The following SLC39A9 variants were observed in gnomAD, a reference collection of about 807,000 sequenced individuals.
SLC39A9 encodes zinc transporter ZIP9.
SLC39A9 carries 14 observed loss-of-function variants against 28.4 expected under a neutral mutation model. The ratio of observed to expected loss-of-function variants is 0.49; its 90% confidence interval spans 0.33 to 0.77. The LOEUF (loss-of-function observed/expected upper bound fraction) is 0.77. Ranked by LOEUF, SLC39A9 falls within the 30% of genes least tolerant of loss-of-function variation. The pLI is 0.02. For missense variants in SLC39A9, 283 were observed against 381.1 expected (o/e 0.74, Z 2.14); for synonymous variants, 119 against 149.6 (o/e 0.80, Z 1.49).
intron 1 of SLC39A9, among the ~76,000 whole-genome samples, chr14:69,418,460 G>A (rs556513055): frequency 1.2e-4 from 18 of 151,928 alleles, no homozygotes; most frequent in East Asian, 1.9e-4. Context: ...TCTCTGCCAG[G>A]CTTTGGTATC....
Position 69,398,712 on chromosome 14 carries a change from C to A in SLC39A9, c.-658C>A. Reference sequence around the variant, plus strand: ...GGAATGAAGAGATGCCACTTGGCGGCCATGGCAGCTGTAGTATCGGCGACT... The same window carrying A: ...GGAATGAAGAGATGCCACTTGGCGGACATGGCAGCTGTAGTATCGGCGACT... On this transcript the variant is annotated 5_prime_UTR_variant, in exon 1 of 7. Transcript: ENST00000336643. 1 of 227,088 alleles carries A rather than the reference C, an allele frequency of 4.4e-6. No homozygotes were observed. Among genetic ancestry groups the A allele is most frequent in the South Asian group, 4.8e-5 (1 of 20,674 alleles). The allele number at this position is 227,088 out of a possible 1,614,324, so 14.1% of individuals were successfully genotyped here.
intron 6 of SLC39A9, among the ~76,000 whole-genome samples, chr14:69,456,156 G>C (rs1020521655): frequency 2.0e-5 from 3 of 152,158 alleles, no homozygotes; most frequent in Non-Finnish European, 2.9e-5. Flanking sequence ...AGCCATGCTA[G>C]CTTCATTTGA....
At chr14:69,452,837 G>C (rs541916396) in intron 3 of SLC39A9, among the ~76,000 whole-genome samples, 1 of 152,216 alleles carries the variant, frequency 6.6e-6, no homozygotes, top group East Asian at 1.9e-4. Context: ...CAATTAGATT[G>C]GTCTGGAAAG....
At chr14:69,419,432 A>G (rs1052276815) in intron 1 of SLC39A9, among the ~76,000 whole-genome samples, 2 of 152,140 alleles carry the variant, frequency 1.3e-5, no homozygotes, top group African/African-American at 2.4e-5. Flanking sequence ...TATGTGGTCA[A>G]TTTTGGGATA....
Position 69,459,914 on chromosome 14 carries a change from C to T in SLC39A9, c.*1321C>T. The T allele has an allele frequency of 2.0e-6, 2 of 985,550 alleles. No homozygotes were observed. The highest frequency in any genetic ancestry group is 2.4e-6 in the Non-Finnish European group (2 of 829,864). The allele number at this position is 985,550 out of a possible 1,614,324, so 61.1% of individuals were successfully genotyped here. A position where few individuals can be genotyped will look rare whatever the true frequency, so the allele number is the denominator to read the frequency against. On this transcript the variant is annotated 3_prime_UTR_variant, in exon 7 of 7. Coordinates refer to ENST00000336643, the MANE Select transcript of SLC39A9 (RefSeq NM_018375.5). ...TCTTTATCCCCCTTCAAAGAAATTA[C>T]CTTTGTGTCAAATGCCGCTTTGTTG... is the stretch of plus-strand genomic sequence containing the variant.
At chr14:69,444,697 A>T (rs909459840) in intron 3 of SLC39A9, among the ~76,000 whole-genome samples, 3 of 152,258 alleles carry the variant, frequency 2.0e-5, no homozygotes, top group Non-Finnish European at 4.4e-5. Flanking sequence ...GCACAAGATT[A>T]TTCAATGCAG....
At position 69,461,548 on chromosome 14, in the gene SLC39A9, C is replaced by T; in HGVS notation, c.*2955C>T. On this transcript the variant is annotated 3_prime_UTR_variant, in exon 7 of 7. Coordinates refer to ENST00000336643, the MANE Select transcript of SLC39A9 (RefSeq NM_018375.5). ...CCCAATTCAAAACAGCCAAGTGAGC[C>T]CTGTTCTGGTATTTTGAATCATTAG... 6.8e-7 allele frequency: 1 copy of T among 1,472,410 alleles called. No homozygotes were observed. Among genetic ancestry groups the T allele is most frequent in the Non-Finnish European group, 9.0e-7 (1 of 1,116,706 alleles). The allele number at this position is 1,472,410 out of a possible 1,614,324, so 91.2% of individuals were successfully genotyped here.
chr14:69,442,223 G>T lies in SLC39A9; in HGVS notation c.360G>T (p.Leu120Phe). The T allele has an allele frequency of 6.2e-7, 1 of 1,614,184 alleles. No individual in the cohort carries two copies. The highest frequency in any genetic ancestry group is 1.1e-5 in the South Asian group (1 of 91,082). ...VSLVLGFVFM[L>F]LVDQIGNSHV... ...TCGTTCTGGGCTTCGTTTTCATGTT[G>T]CTGGTGGACCAGATTGGTAACTCCC... The change falls in exon 3 of 7, where the codon TTG becomes TTT. Residue 120 changes from leucine (L) to phenylalanine (F), a missense_variant. Leu to Phe is a conservative substitution (Grantham distance 22). Coordinates refer to ENST00000336643, the MANE Select transcript of SLC39A9 (RefSeq NM_018375.5).
chr14:69,427,371 G>A (rs1884255729), intron 2 of SLC39A9, among the ~76,000 whole-genome samples: 1 of 152,106 alleles, frequency 6.6e-6, no homozygotes, highest in South Asian at 2.1e-4. Context: ...CTGAAAATAA[G>A]CATTCTGGTC....
chr14:69,436,721 C>T (rs1290668288), intron 2 of SLC39A9, among the ~76,000 whole-genome samples: 1 of 152,140 alleles, frequency 6.6e-6, no homozygotes, highest in Non-Finnish European at 1.5e-5. Flanking sequence ...TCTTTCCTCT[C>T]CAGTGTTCCT....
At chr14:69,436,441 T>G (rs1302665718) in intron 2 of SLC39A9, among the ~76,000 whole-genome samples, 1 of 152,208 alleles carries the variant, frequency 6.6e-6, no homozygotes, top group Non-Finnish European at 1.5e-5. Flanking sequence ...CTGGACATTT[T>G]GAATATGATA....
intron 2 of SLC39A9, among the ~76,000 whole-genome samples, chr14:69,438,195 T>G (rs750767831): frequency 6.6e-6 from 1 of 151,984 alleles, no homozygotes; most frequent in Non-Finnish European, 1.5e-5. Flanking sequence ...CTAATTTTTG[T>G]ATTTTAGCAG....
At position 69,450,769 on chromosome 14, in the gene SLC39A9, T is replaced by C. The variant is rs373539237; in HGVS notation, c.404-2472T>C. ...AGCCTGGGCAACAAGCAAGACTCTG[T>C]CTCTAAAAAAATAAAAATAAAATGT... On this transcript the variant is annotated intron_variant, in intron 3 of 6. Transcript: ENST00000336643. Among the ~76,000 whole-genome samples, 3 of 152,218 alleles carry C rather than the reference T, an allele frequency of 2.0e-5. No individual in the cohort carries two copies. The South Asian group carries it at 6.2e-4, about 32-fold the overall frequency.
intron 1 of SLC39A9, among the ~76,000 whole-genome samples, chr14:69,416,313 A>T (rs909617886): frequency 6.6e-6 from 1 of 152,138 alleles, no homozygotes; most frequent in Non-Finnish European, 1.5e-5. Context: ...ATCCTTTTTC[A>T]TGGCTGCATA....
At chr14:69,444,136 C>T (rs192652831) in intron 3 of SLC39A9, among the ~76,000 whole-genome samples, 13 of 150,630 alleles carry the variant, frequency 8.6e-5, no homozygotes, top group African/African-American at 2.4e-4. Context: ...CATTGAGCCA[C>T]GATCACACCA....
intron 1 of SLC39A9, among the ~76,000 whole-genome samples, chr14:69,422,014 A>G (rs1189553828): frequency 6.6e-6 from 1 of 152,006 alleles, no homozygotes; most frequent in Non-Finnish European, 1.5e-5. Flanking sequence ...GGCTGCACTC[A>G]CTGTCCAACC....
intron 1 of SLC39A9, among the ~76,000 whole-genome samples, chr14:69,403,812 G>A (rs1458117378): frequency 2.0e-5 from 3 of 152,168 alleles, no homozygotes; most frequent in East Asian, 3.9e-4. Flanking sequence ...GGGAGGCCGA[G>A]GCAGGCGAAT....
At chr14:69,402,414 CT>C (rs1882689733) in intron 1 of SLC39A9, among the ~76,000 whole-genome samples, 1 of 152,090 alleles carries the variant, frequency 6.6e-6, no homozygotes, top group African/African-American at 2.4e-5. Context: ...TCATTCAATA[CT>C]TTTTCTAAAA....
At chr14:69,426,900 T>G (rs1884222973) in intron 2 of SLC39A9, among the ~76,000 whole-genome samples, 1 of 152,078 alleles carries the variant, frequency 6.6e-6, no homozygotes, top group Non-Finnish European at 1.5e-5. Context: ...ATATATGTGT[T>G]TACATATATA....
Sources: allele counts gnomAD v4.1 joint callset (sites outside exome capture counted in the v4.1 genomes callset), GRCh38; gene constraint gnomAD v4.1.1; transcripts MANE v1.5; gene names NCBI Gene and HGNC (gene_info 2026-07-23, HGNC 2026-07-21).